GPC6: variants seen among roughly 807,000 people sequenced by gnomAD.
The protein encoded by GPC6 is glypican 6, also known as glypican-6.
GPC6 carries 14 observed loss-of-function variants against 55.2 expected under a neutral mutation model. The ratio of observed to expected loss-of-function variants is 0.25; its 90% CI spans 0.17 to 0.40. GPC6 has a LOEUF of 0.40. GPC6 is among the 10% of genes least tolerant of loss of function. The pLI, the probability that GPC6 is intolerant of heterozygous loss-of-function variation, is 1.00. For missense variants in GPC6, 641 were observed against 708.5 expected (o/e 0.90, Z 1.08); for synonymous variants, 278 against 259.6 (o/e 1.07, Z -0.68).
chr13:93,395,587 A>G (rs1875816415), intron 1 of GPC6: 1 of 162,872 alleles, frequency 6.1e-6, no homozygotes, highest in Admixed American at 6.4e-5. Context: ...CTCATTGAGA[A>G]CCTTAATAGC....
At chr13:94,168,483 A>G (rs1888442515) in intron 4 of GPC6, among the ~76,000 whole-genome samples, 1 of 152,116 alleles carries the variant, frequency 6.6e-6, no homozygotes, top group African/African-American at 2.4e-5. Flanking sequence ...ATGTCTTCCA[A>G]GTAGTGCTAA....
intron 1 of GPC6, among the ~76,000 whole-genome samples, chr13:93,256,549 T>A (rs1876959352): frequency 6.6e-6 from 1 of 152,202 alleles, no homozygotes; most frequent in Non-Finnish European, 1.5e-5. Flanking sequence ...GGCATAGCCC[T>A]CAGTGCCTGG....
intron 1 of GPC6, among the ~76,000 whole-genome samples, chr13:93,264,785 A>T (rs897790014): frequency 6.6e-6 from 1 of 152,118 alleles, no homozygotes; most frequent in African/African-American, 2.4e-5. Flanking sequence ...ATTATATTTT[A>T]AAATTGTATT....
chr13:94,102,077 C>T (rs1174103622), intron 4 of GPC6, among the ~76,000 whole-genome samples: 1 of 151,784 alleles, frequency 6.6e-6, no homozygotes, highest in Admixed American at 6.6e-5. Context: ...ATTATTATAC[C>T]ATTATATAAT....
chr13:93,493,549 T>C (rs1458056414), intron 1 of GPC6, among the ~76,000 whole-genome samples: 1 of 122,866 alleles, frequency 8.1e-6, no homozygotes, highest in Non-Finnish European at 1.7e-5. Context: ...CTTGGTTATT[T>C]CTTGCCTTCT....
intron 4 of GPC6, among the ~76,000 whole-genome samples, chr13:94,225,746 T>G (rs1468792656): frequency 6.6e-6 from 1 of 151,956 alleles, no homozygotes; most frequent in Non-Finnish European, 1.5e-5. Context: ...ATTAATCAGC[T>G]GATGAAAACG....
chr13:94,107,451 G>A (rs1339921215), intron 4 of GPC6, among the ~76,000 whole-genome samples: 1 of 151,722 alleles, frequency 6.6e-6, no homozygotes, highest in Non-Finnish European at 1.5e-5. Context: ...TAATATGTAG[G>A]CAATCCATTC....
intron 1 of GPC6, among the ~76,000 whole-genome samples, chr13:93,254,745 A>C (rs963732998): frequency 2.6e-5 from 4 of 152,190 alleles, no homozygotes; most frequent in Non-Finnish European, 4.4e-5. Flanking sequence ...CCCAGATGAC[A>C]ACAAGCAGAA....
chr13:94,341,602 A>AAG (rs35531120), intron 6 of GPC6, among the ~76,000 whole-genome samples: 2 of 151,488 alleles, frequency 1.3e-5, no homozygotes, highest in African/African-American at 4.9e-5. Context: ...AAAAAAAAAA[A>AAG]GATTGTTACT....
intron 1 of GPC6, among the ~76,000 whole-genome samples, chr13:93,285,634 G>GTGTGTGTGTGTATGGTGTGTA (rs60067109): frequency 1.4e-5 from 2 of 146,930 alleles, no homozygotes; most frequent in African/African-American, 5.1e-5. Context: ...GTGTGTGTGT[G>GTGTGTGTGTGTATGGTGTGTA]TGTGTGTGTG....
At chr13:93,570,918 A>T (rs973943119) in intron 2 of GPC6, among the ~76,000 whole-genome samples, 4 of 152,104 alleles carry the variant, frequency 2.6e-5, no homozygotes, top group Non-Finnish European at 5.9e-5. Context: ...TATTAACAAT[A>T]ATTTACTTAC....
At chr13:94,031,226 A>G (rs1594680459) in intron 4 of GPC6, among the ~76,000 whole-genome samples, 1 of 152,204 alleles carries the variant, frequency 6.6e-6, no homozygotes, top group Non-Finnish European at 1.5e-5. Flanking sequence ...TGCTCAAAAG[A>G]TTCTTACCAA....
At chr13:94,157,043 TA>T (rs1887975174) in intron 4 of GPC6, among the ~76,000 whole-genome samples, 1 of 152,134 alleles carries the variant, frequency 6.6e-6, no homozygotes, top group African/African-American at 2.4e-5. Flanking sequence ...GACGTGGATA[TA>T]AGGTGGTCAG....
At chr13:93,640,724 TTTCCTTCCCTCCCTCCTCC>T (rs1879880226) in intron 2 of GPC6, among the ~76,000 whole-genome samples, 1 of 3,564 alleles carries the variant, frequency 2.8e-4, no homozygotes, top group Non-Finnish European at 9.9e-4. Context: ...TCCTCCCCAC[TTTCCTTCCCTCCCTCCTCC>T]CCACTTTCCT....
chr13:93,943,550 A>G (rs1878840057), intron 3 of GPC6, among the ~76,000 whole-genome samples: 3 of 152,166 alleles, frequency 2.0e-5, no homozygotes, highest in East Asian at 3.9e-4. Context: ...CCTCTGCTCA[A>G]TTGCATTTAT....
At chr13:93,668,889 G>T (rs953342352) in intron 2 of GPC6, among the ~76,000 whole-genome samples, 3 of 152,168 alleles carry the variant, frequency 2.0e-5, no homozygotes, top group Non-Finnish European at 4.4e-5. Flanking sequence ...GAAACACTTA[G>T]ATACATGTAA....
intron 6 of GPC6, among the ~76,000 whole-genome samples, chr13:94,309,034 T>G (rs1876101966): frequency 6.6e-6 from 1 of 152,210 alleles, no homozygotes; most frequent in African/African-American, 2.4e-5. Context: ...TACAGCCTAT[T>G]TAGGCTGTTT....
At chr13:94,333,933 G>C (rs1222391637) in intron 6 of GPC6, among the ~76,000 whole-genome samples, 3 of 152,216 alleles carry the variant, frequency 2.0e-5, no homozygotes, top group African/African-American at 7.2e-5. Flanking sequence ...GGTGTACAGA[G>C]AGCAGAGAAG....
intron 6 of GPC6, among the ~76,000 whole-genome samples, chr13:94,340,904 G>A (rs982621661): frequency 6.6e-6 from 1 of 152,160 alleles, no homozygotes; most frequent in African/African-American, 2.4e-5. Flanking sequence ...CATATTAAAA[G>A]TATTTAGTAC....
Sources: allele counts gnomAD v4.1 joint callset (sites outside exome capture counted in the v4.1 genomes callset), GRCh38; gene constraint gnomAD v4.1.1; transcripts MANE v1.5; gene names NCBI Gene and HGNC (gene_info 2026-07-23, HGNC 2026-07-21).